The following ABI3BP variants were observed in gnomAD, a reference collection of about 807,000 sequenced individuals.
ABI3BP encodes the protein target of Nesh-SH3.
ABI3BP carries 216 observed loss-of-function variants against 268.6 expected under a neutral mutation model. The ratio of observed to expected loss-of-function variants is 0.80; its 90% CI spans 0.72 to 0.90. The LOEUF (loss-of-function observed/expected upper bound fraction) is 0.90. ABI3BP is among the 40% of genes least tolerant of loss of function. The probability of loss-of-function intolerance (pLI) is 0.00; values close to 1 mark genes in which losing one functional copy is unlikely to be tolerated. For missense variants in ABI3BP, 2,090 were observed against 2,182.4 expected, an observed-to-expected ratio of 0.96 and a Z score of 0.84; for synonymous variants, 730 against 730.0, an observed-to-expected ratio of 1.00 and a Z score of 0.00.
intron 63 of ABI3BP, among the ~76,000 whole-genome samples, chr3:100,760,433 A>G (rs1230873376): frequency 1.3e-5 from 2 of 152,204 alleles, no homozygotes; most frequent in Admixed American, 6.5e-5. Context: ...CCATCAGTGG[A>G]TTATCAAAAT....
chr3:100,848,076 A>G (rs1255180213), intron 18 of ABI3BP, among the ~76,000 whole-genome samples: 1 of 152,198 alleles, frequency 6.6e-6, no homozygotes, highest in African/African-American at 2.4e-5. Context: ...CAAAAATATT[A>G]CAGTCTTGGA....
chr3:100,832,212 C>A, intron 31 of ABI3BP, 52 bp downstream of exon 31: 1 of 1,485,516 alleles, frequency 6.7e-7, no homozygotes. Flanking sequence ...AACTTACAGT[C>A]CCAACCGTGG....
rs777932306 is a variant in ABI3BP, at chr3:100,776,113, T to G, written c.4334-778A>C. 3.8e-4 allele frequency among the ~76,000 whole-genome samples: 58 copies of G among 152,202 alleles called. 1 individual carries two copies. The highest frequency in any genetic ancestry group is 1.8e-4 in the Non-Finnish European group (12 of 68,042). The stretch of plus-strand genomic sequence containing the variant: ...TAAAACACTTATAAGTCCCTAAAAC[T>G]GGATCCATCCCAAGGTCCAGGCAAG... On this transcript the variant is annotated intron_variant, in intron 59 of 67. Transcript: ENST00000471714.
intron 55 of ABI3BP, among the ~76,000 whole-genome samples, chr3:100,791,498 A>T (rs1360228747): frequency 1.3e-5 from 2 of 151,918 alleles, no homozygotes; most frequent in Non-Finnish European, 2.9e-5. Context: ...TTAAGCCAGA[A>T]ATTAAAGAGA....
intron 62 of ABI3BP, among the ~76,000 whole-genome samples, chr3:100,766,531 C>A (rs35734168): frequency 0.28 from 41,878 of 152,066 alleles, 6,403 homozygotes; most frequent in East Asian, 0.63. Flanking sequence ...GTACTCGCTG[C>A]CTACATAAGT....
chr3:100,838,546 C>T, intron 24 of ABI3BP, 82 bp from the exon 25 acceptor site: 1 of 1,164,690 alleles, frequency 8.6e-7, no homozygotes, highest in Non-Finnish European at 1.2e-6. Context: ...AGAACAAAGA[C>T]ACTATATAAA....
chr3:100,894,958 A>AAAAAAAAAAAAAAAAAAG (rs1561384972), intron 4 of ABI3BP, among the ~76,000 whole-genome samples: 1 of 144,100 alleles, frequency 6.9e-6, no homozygotes, highest in Non-Finnish European at 1.5e-5. Context: ...AAAAAAAAAA[A>AAAAAAAAAAAAAAAAAAG]AAAAAAAAAC....
At chr3:100,851,108 A>G (rs960235250) in intron 15 of ABI3BP, among the ~76,000 whole-genome samples, 5 of 152,194 alleles carry the variant, frequency 3.3e-5, no homozygotes, top group Non-Finnish European at 2.9e-5. Flanking sequence ...GACACAAATA[A>G]TATTATACAT....
At chr3:100,829,151 A>G (rs562039464) in intron 33 of ABI3BP, among the ~76,000 whole-genome samples, 279 of 151,676 alleles carry the variant, frequency 1.8e-3, no homozygotes, top group African/African-American at 6.2e-3. Context: ...AAAAAAAAAA[A>G]AAGAAGAAGA....
At chr3:100,862,986 A>G in intron 12 of ABI3BP, 77 bp from the exon 13 acceptor site, 1 of 1,140,524 alleles carries the variant, frequency 8.8e-7, no homozygotes, top group Non-Finnish European at 1.2e-6. Flanking sequence ...TTAAGCTTGC[A>G]AAAACAAAAG....
intron 63 of ABI3BP, among the ~76,000 whole-genome samples, chr3:100,758,509 T>TAGAA (rs757412905): frequency 3.9e-5 from 6 of 152,222 alleles, no homozygotes; most frequent in Non-Finnish European, 7.3e-5. Flanking sequence ...AACTCTTCTA[T>TAGAA]GGCCACACAC....
At chr3:100,969,837 C>CT (rs923850410) in intron 1 of ABI3BP, among the ~76,000 whole-genome samples, 29 of 148,106 alleles carry the variant, frequency 2.0e-4, no homozygotes, top group South Asian at 1.9e-3. Flanking sequence ...CAGAGTAAAG[C>CT]TTTTTTTTTT....
chr3:100,926,295 A>C lies in ABI3BP; in HGVS notation c.259+7T>G, dbSNP rs1480091458. On this transcript the variant is annotated splice_region_variant and intron_variant, in intron 2 of 67. Transcript: ENST00000471714. ...TTCCTTCCCAGCCCGATACCCAAACACCTTACCAACTATAGCTTCTGTGAA... is the reference window on the plus strand; with the variant it reads ...TTCCTTCCCAGCCCGATACCCAAACCCCTTACCAACTATAGCTTCTGTGAA... The C allele has an allele frequency of 1.9e-5, 31 of 1,612,682 alleles. No individual in the cohort carries two copies. The highest frequency in any genetic ancestry group is 2.5e-5 in the Non-Finnish European group (30 of 1,179,186).
chr3:100,834,870 T>A lies in ABI3BP; in HGVS notation c.2192-97A>T, dbSNP rs941122504. 3 of 1,144,520 alleles carry A rather than the reference T, an allele frequency of 2.6e-6. No individual in the cohort carries two copies. In the African/African-American group the frequency reaches 4.7e-5, roughly 18 times the overall value. The allele number at this position is 1,144,520 out of a possible 1,614,324, so 70.9% of individuals were successfully genotyped here. A position where few individuals can be genotyped will look rare whatever the true frequency, so the allele number is the denominator to read the frequency against. On this transcript the variant is annotated intron_variant, in intron 28 of 67. Coordinates refer to ENST00000471714, the MANE Select transcript of ABI3BP (RefSeq NM_001375547.2). ...GGTTTTCTAAAGTTTTCCTAAGTCT[T>A]GAGAAATTTGTCTCTTTGGTTTAGA... is the stretch of plus-strand genomic sequence containing the variant.
chr3:100,839,579 C>T lies in ABI3BP; in HGVS notation c.1935G>A (p.Val645=), dbSNP rs768656255. The stretch of plus-strand genomic sequence containing the variant: ...AGGGAGTAGAATTACCAGTTGTGGG[C>T]ACCAAGGGCTCCGGTTGTATCGTGG... ...EPATIQPEPL[V]PTTASKPSER... Residue 645 remains valine, a synonymous_variant, in exon 24 of 68, where the codon GTG becomes GTA. Transcript: ENST00000471714. 3 of 1,535,800 alleles carry T rather than the reference C, an allele frequency of 2.0e-6. No individual in the cohort carries two copies. The highest frequency in any genetic ancestry group is 2.4e-5 in the South Asian group (2 of 84,058).
chr3:100,874,604 T>C (rs997973734), intron 9 of ABI3BP, among the ~76,000 whole-genome samples: 3 of 152,174 alleles, frequency 2.0e-5, no homozygotes, highest in Non-Finnish European at 4.4e-5. Flanking sequence ...TTCATAAACA[T>C]TCACTCTCAT....
Position 100,926,478 on chromosome 3 carries a change from T to C in ABI3BP, c.83A>G (p.Lys28Arg). Residue 28 changes from lysine to arginine, a missense_variant, in exon 2 of 68, where the codon AAA (lysine) becomes AGA (arginine). Physicochemically the swap from Lys to Arg is conservative, Grantham distance 26. Transcript: ENST00000471714. Reference sequence around the variant, plus strand: ...GATGTGGACTTTGAGGTTTGGCCTTTTACCTAACAATGGGAATGAAAACAT... The same window carrying C: ...GATGTGGACTTTGAGGTTTGGCCTTCTACCTAACAATGGGAATGAAAACAT... ...LGNAQKLPKG[K>R]RPNLKVHINT... The C allele has an allele frequency of 6.2e-7, 1 of 1,612,698 alleles. No homozygotes were observed. The highest frequency in any genetic ancestry group is 8.5e-7 in the Non-Finnish European group (1 of 1,179,000).
At chr3:100,961,695 A>C (rs561329918) in intron 1 of ABI3BP, among the ~76,000 whole-genome samples, 1 of 152,228 alleles carries the variant, frequency 6.6e-6, no homozygotes, top group African/African-American at 2.4e-5. Flanking sequence ...TAAGTCGGCC[A>C]TAAAATTACC....
At chr3:100,945,200 C>T (rs1221462480) in intron 1 of ABI3BP, among the ~76,000 whole-genome samples, 3 of 152,024 alleles carry the variant, frequency 2.0e-5, no homozygotes, top group Non-Finnish European at 4.4e-5. Context: ...CTAATAATTT[C>T]CAGATAATTT....
Sources: allele counts gnomAD v4.1 joint callset (sites outside exome capture counted in the v4.1 genomes callset), GRCh38; gene constraint gnomAD v4.1.1; transcripts MANE v1.5; gene names NCBI Gene and HGNC (gene_info 2026-07-23, HGNC 2026-07-21).